The following MGAT4C variants were observed in gnomAD, a reference collection of about 807,000 sequenced individuals.
The protein encoded by MGAT4C is alpha-1,3-mannosyl-glycoprotein 4-beta-N-acetylglucosaminyltransferase C.
In MGAT4C, 19 loss-of-function variants were observed where a neutral mutation model predicts 40.1. The ratio of observed to expected loss-of-function variants is 0.47; its 90% CI spans 0.33 to 0.70. The LOEUF (loss-of-function observed/expected upper bound fraction) is 0.70, where lower values mean the gene tolerates loss of function less well. Ranked by LOEUF, MGAT4C falls within the 30% of genes least tolerant of loss-of-function variation. The pLI, the probability that MGAT4C is intolerant of heterozygous loss-of-function variation, is 0.02. For missense variants in MGAT4C, 491 were observed against 563.2 expected (o/e 0.87, Z 1.30); for synonymous variants, 181 against 187.1 (o/e 0.97, Z 0.27).
Position 86,051,890 on chromosome 12 carries a change from T to C in MGAT4C, c.-56-2167A>G, listed in dbSNP as rs575799221. ...GTTAGTTTTTTGTACTATTGCTCTA[T>C]AGCATGATGAAAAATATTTTGAGTC... On this transcript the variant is annotated intron_variant, in intron 1 of 4. Coordinates refer to ENST00000611864, the MANE Select transcript of MGAT4C (RefSeq NM_001351288.2). Among the ~76,000 whole-genome samples, 4 of 151,796 alleles carry C rather than the reference T, an allele frequency of 2.6e-5. No individual in the cohort carries two copies. In the East Asian group the frequency reaches 7.7e-4, roughly 29 times the overall value.
At chr12:86,074,781 C>A (rs1250817777) in intron 1 of MGAT4C, among the ~76,000 whole-genome samples, 1 of 150,978 alleles carries the variant, frequency 6.6e-6, no homozygotes, top group Non-Finnish European at 1.5e-5. Flanking sequence ...AATTGAAGGC[C>A]AAGGAAAAGA....
chr12:86,815,035 A>C (rs554422087), intron 1 of MGAT4C, among the ~76,000 whole-genome samples: 2 of 152,196 alleles, frequency 1.3e-5, no homozygotes, highest in East Asian at 3.9e-4. Context: ...TCAGATGTAC[A>C]TTTCTAGGAA....
intron 2 of MGAT4C, among the ~76,000 whole-genome samples, chr12:86,688,816 A>G (rs1056373352): frequency 1.3e-5 from 2 of 151,950 alleles, no homozygotes; most frequent in African/African-American, 4.8e-5. Context: ...TCTGACAATT[A>G]TGTGTCTGGG....
At chr12:86,206,792 C>T (rs61949002) in intron 1 of MGAT4C, among the ~76,000 whole-genome samples, 12,657 of 152,134 alleles carry the variant, frequency 0.083, 625 homozygotes, top group Middle Eastern at 0.22. Context: ...AGTTTCATAT[C>T]GGCATATCCC....
At chr12:86,532,826 T>G (rs1052536604) in intron 2 of MGAT4C, among the ~76,000 whole-genome samples, 1 of 152,040 alleles carries the variant, frequency 6.6e-6, no homozygotes, top group Non-Finnish European at 1.5e-5. Flanking sequence ...ACACTTTGCT[T>G]TATCATGTTT....
chr12:86,310,670 T>C (rs895011438), intron 4 of MGAT4C, among the ~76,000 whole-genome samples: 2 of 152,060 alleles, frequency 1.3e-5, no homozygotes, highest in Non-Finnish European at 2.9e-5. Context: ...GGCTATAATC[T>C]CAGCACTTTC....
At chr12:86,698,307 C>T (rs1950295737) in intron 2 of MGAT4C, among the ~76,000 whole-genome samples, 1 of 151,990 alleles carries the variant, frequency 6.6e-6, no homozygotes, top group African/African-American at 2.4e-5. Flanking sequence ...CTCAGCCTTT[C>T]TCATCTTTAA....
chr12:86,128,072 G>A (rs1880579098), intron 1 of MGAT4C, among the ~76,000 whole-genome samples: 1 of 152,136 alleles, frequency 6.6e-6, no homozygotes, highest in South Asian at 2.1e-4. Context: ...TCAAATGACA[G>A]GCAGTGCAAT....
At chr12:86,349,797 T>C (rs1955120013) in intron 3 of MGAT4C, among the ~76,000 whole-genome samples, 1 of 152,154 alleles carries the variant, frequency 6.6e-6, no homozygotes, top group Non-Finnish European at 1.5e-5. Context: ...ACATATCTAC[T>C]GTGACAAATC....
intron 3 of MGAT4C, among the ~76,000 whole-genome samples, chr12:86,381,544 A>T (rs998109156): frequency 6.6e-6 from 1 of 152,182 alleles, no homozygotes; most frequent in Admixed American, 6.5e-5. Context: ...TGTGCCTGCC[A>T]ACAGTGAGGG....
rs113439341 is a variant in MGAT4C at position 86,392,034 on chromosome 12, T to C, written c.-120+43123A>G. On this transcript the variant is annotated intron_variant, in intron 3 of 7. Coordinates refer to the MGAT4C transcript ENST00000548651. ...ATGAGGATAATAATACCCTGCCTTATAGGATTGTGGTGATGATTTTATGTA... is the reference window on the plus strand; with the variant it reads ...ATGAGGATAATAATACCCTGCCTTACAGGATTGTGGTGATGATTTTATGTA... Among the ~76,000 whole-genome samples, 494 of 152,286 alleles carry C rather than the reference T, an allele frequency of 3.2e-3. 1 individual carries two copies. The highest frequency in any genetic ancestry group is 0.011 in the African/African-American group (477 of 41,564).
At chr12:86,646,513 T>C (rs1206826553) in intron 2 of MGAT4C, among the ~76,000 whole-genome samples, 1 of 151,882 alleles carries the variant, frequency 6.6e-6, no homozygotes, top group Non-Finnish European at 1.5e-5. Flanking sequence ...AGACTACAAG[T>C]TCTCTAGAGA....
intron 2 of MGAT4C, among the ~76,000 whole-genome samples, chr12:86,665,616 C>A (rs1964086272): frequency 6.6e-6 from 1 of 152,104 alleles, no homozygotes. Flanking sequence ...CGTGATCCAC[C>A]CACCTCGGCC....
intron 3 of MGAT4C, among the ~76,000 whole-genome samples, chr12:86,345,294 C>CT (rs2136187454): frequency 1.3e-5 from 2 of 151,382 alleles, no homozygotes; most frequent in African/African-American, 4.8e-5. Context: ...TATTATTATA[C>CT]TTTAAGTTTT....
intron 4 of MGAT4C, among the ~76,000 whole-genome samples, chr12:86,280,559 A>G (rs774265355): frequency 1.9e-4 from 29 of 152,134 alleles, no homozygotes; most frequent in South Asian, 2.1e-4. Flanking sequence ...AAATGTTTCA[A>G]AAATTTAGAA....
At chr12:86,694,534 G>C (rs1431454386) in intron 2 of MGAT4C, among the ~76,000 whole-genome samples, 2 of 152,020 alleles carry the variant, frequency 1.3e-5, no homozygotes, top group Admixed American at 6.6e-5. Flanking sequence ...ATAATTTGAT[G>C]TATTTTTTCC....
chr12:86,021,266 C>T (rs1366877403), intron 2 of MGAT4C, among the ~76,000 whole-genome samples: 1 of 152,062 alleles, frequency 6.6e-6, no homozygotes, highest in African/African-American at 2.4e-5. Context: ...ATAAACCATG[C>T]TGCTATAAAG....
chr12:86,112,078 A>T (rs1265845532), intron 1 of MGAT4C, among the ~76,000 whole-genome samples: 2 of 151,844 alleles, frequency 1.3e-5, no homozygotes, highest in African/African-American at 4.8e-5. Flanking sequence ...AGTATAAGCT[A>T]AATACAATAG....
At chr12:86,044,565 G>C (rs980772532) in intron 2 of MGAT4C, among the ~76,000 whole-genome samples, 13 of 152,150 alleles carry the variant, frequency 8.5e-5, no homozygotes, top group Non-Finnish European at 2.9e-5. Flanking sequence ...GAGTGACAGT[G>C]GGCAAGTGAG....
Sources: allele counts gnomAD v4.1 joint callset (sites outside exome capture counted in the v4.1 genomes callset), GRCh38; gene constraint gnomAD v4.1.1; transcripts MANE v1.5; gene names NCBI Gene and HGNC (gene_info 2026-07-23, HGNC 2026-07-21).